CLCN5: variants seen among roughly 807,000 people sequenced by gnomAD.
CLCN5 encodes Cl-/H+ antiporter 5, also known as H(+)/Cl(-) exchange transporter 5.
Under a neutral mutation model 54.0 loss-of-function variants are expected in CLCN5, and 17 were observed. The observed-to-expected ratio is 0.31, with a 90% CI of 0.22 to 0.47. The LOEUF is 0.47. CLCN5 is among the 20% of genes least tolerant of loss of function. The probability of loss-of-function intolerance (pLI) is 1.00; values close to 1 mark genes in which losing one functional copy is unlikely to be tolerated. For synonymous variants in CLCN5, 222 were observed against 233.0 expected, an observed-to-expected ratio of 0.95 and a Z score of 0.43; for missense variants, 448 against 646.7, an observed-to-expected ratio of 0.69 and a Z score of 3.33.
chrX:50,010,996 A>G (rs1390789041), intron 3 of CLCN5, among the ~76,000 whole-genome samples: 1 of 110,638 alleles, frequency 9.0e-6, no homozygotes, highest in Non-Finnish European at 1.9e-5. Flanking sequence ...TGGGGTACAG[A>G]TACATGTTGG....
intron 3 of CLCN5, among the ~76,000 whole-genome samples, chrX:50,000,911 G>T (rs1402548240): frequency 9.0e-6 from 1 of 111,196 alleles, no homozygotes; most frequent in Non-Finnish European, 1.9e-5. Context: ...AAAATGTTTG[G>T]GAAGTACTGC....
chrX:50,090,632 G>T, intron 13 of CLCN5, 38 bp from the exon 14 acceptor site: 2 of 1,171,938 alleles, frequency 1.7e-6, no homozygotes, highest in Non-Finnish European at 2.3e-6. Context: ...GAGCTAGCAC[G>T]TCCATCTTCA....
chrX:50,063,911 T>C (rs1454461561), intron 4 of CLCN5, among the ~76,000 whole-genome samples: 10 of 110,411 alleles, frequency 9.1e-5, no homozygotes, highest in East Asian at 2.8e-4. Context: ...ACAAAAACCA[T>C]ATGATTATCT....
At chrX:49,946,336 G>T (rs1290918465) in intron 3 of CLCN5, among the ~76,000 whole-genome samples, 1 of 111,389 alleles carries the variant, frequency 9.0e-6, no homozygotes, top group African/African-American at 3.3e-5. Context: ...TCTGCTCAGG[G>T]TCTCACAGGC....
chrX:49,944,783 A>C (rs1200866815), intron 3 of CLCN5, among the ~76,000 whole-genome samples: 2 of 111,360 alleles, frequency 1.8e-5, no homozygotes, highest in African/African-American at 6.5e-5. Flanking sequence ...AAGCTTTTTG[A>C]TGTGCTGCTG....
chrX:49,986,992 G>C (rs781815914), intron 3 of CLCN5, among the ~76,000 whole-genome samples: 1 of 112,121 alleles, frequency 8.9e-6, no homozygotes, highest in African/African-American at 3.2e-5. Context: ...TGCTGAACTT[G>C]ATAATCTTCA....
At chrX:50,084,187 G>A (rs1557193576) in intron 9 of CLCN5, among the ~76,000 whole-genome samples, 1 of 111,692 alleles carries the variant, frequency 9.0e-6, no homozygotes, top group African/African-American at 3.3e-5. Flanking sequence ...CTACAAACAT[G>A]TACAGCATGC....
At position 50,075,792 on chromosome X, in the gene CLCN5, C is replaced by T; in HGVS notation, c.416-3C>T. 1.7e-6 allele frequency: 2 copies of T among 1,210,353 alleles called. No homozygotes were observed. Among genetic ancestry groups the T allele is most frequent in the Non-Finnish European group, 2.2e-6 (2 of 894,176 alleles). On this transcript the variant is annotated splice_region_variant and splice_polypyrimidine_tract_variant and intron_variant, in intron 6 of 14. Transcript: ENST00000376091. ...GGCCTTTCCCTCCCTCCCCACAAAT[C>T]AGGTTCGTTAGCTGGTTTGATAGAC...
chrX:50,054,707 A>G (rs782022186), intron 4 of CLCN5: 2 of 111,938 alleles, frequency 1.8e-5, no homozygotes, highest in South Asian at 3.8e-4. Flanking sequence ...TTCCTCTGCA[A>G]CCTCAGTTCT....
intron 3 of CLCN5, among the ~76,000 whole-genome samples, chrX:50,031,826 G>A (rs1381504388): frequency 4.8e-5 from 5 of 105,061 alleles, no homozygotes; most frequent in Admixed American, 3.0e-4. Flanking sequence ...CCATTAACTC[G>A]TCATTTAGCA....
chrX:50,040,150 G>A (rs963432791), intron 3 of CLCN5, among the ~76,000 whole-genome samples: 8 of 112,263 alleles, frequency 7.1e-5, no homozygotes, highest in Non-Finnish European at 1.5e-4. Context: ...AGCAGAGACA[G>A]GATTTTGTGT....
intron 4 of CLCN5, among the ~76,000 whole-genome samples, chrX:50,051,453 G>A (rs1338174986): frequency 8.9e-6 from 1 of 112,073 alleles, no homozygotes; most frequent in East Asian, 2.8e-4. Context: ...ATGAGGTAGT[G>A]TGAGCCTTCC....
chrX:49,953,496 G>A (rs1557173487), intron 3 of CLCN5, among the ~76,000 whole-genome samples: 3 of 110,548 alleles, frequency 2.7e-5, no homozygotes, highest in Non-Finnish European at 3.8e-5. Flanking sequence ...TGTAGATATG[G>A]TTTCTCACTA....
chrX:49,976,699 C>T (rs1928500253), intron 3 of CLCN5, among the ~76,000 whole-genome samples: 1 of 112,263 alleles, frequency 8.9e-6, no homozygotes, highest in Admixed American at 9.4e-5. Flanking sequence ...GTGTTTTCTT[C>T]CAGGCTTTGT....
At chrX:50,027,728 T>TG (rs1399072843) in intron 3 of CLCN5, among the ~76,000 whole-genome samples, 10 of 110,979 alleles carry the variant, frequency 9.0e-5, no homozygotes, top group African/African-American at 3.0e-4. Context: ...TGCAGTGTTT[T>TG]TTTTTTTTTT....
At chrX:49,966,075 G>A (rs1391439512) in intron 3 of CLCN5, among the ~76,000 whole-genome samples, 1 of 110,211 alleles carries the variant, frequency 9.1e-6, no homozygotes, top group Non-Finnish European at 1.9e-5. Flanking sequence ...AGACATCTTT[G>A]CCTGGTTTTG....
chrX:49,999,487 G>A (rs1190021407), intron 3 of CLCN5, among the ~76,000 whole-genome samples: 1 of 109,249 alleles, frequency 9.2e-6, no homozygotes, highest in Non-Finnish European at 1.9e-5. Context: ...TCTGGCACAG[G>A]CACATGTGCC....
intron 4 of CLCN5, among the ~76,000 whole-genome samples, chrX:50,053,362 C>T (rs1049684327): frequency 4.5e-5 from 5 of 111,033 alleles, no homozygotes; most frequent in African/African-American, 6.5e-5. Context: ...TCTGAGAGAC[C>T]GGGAGTCATG....
At chrX:49,940,481 C>G (rs1375885034) in intron 3 of CLCN5, among the ~76,000 whole-genome samples, 1 of 111,885 alleles carries the variant, frequency 8.9e-6, no homozygotes, top group African/African-American at 3.2e-5. Flanking sequence ...CCACAACTCT[C>G]TAACCATGTC....
Sources: allele counts gnomAD v4.1 joint callset (sites outside exome capture counted in the v4.1 genomes callset), GRCh38; gene constraint gnomAD v4.1.1; transcripts MANE v1.5; gene names NCBI Gene and HGNC (gene_info 2026-07-23, HGNC 2026-07-21).